The following LCK variants were observed in gnomAD, a reference collection of about 807,000 sequenced individuals.
LCK encodes the protein tyrosine-protein kinase Lck.
LCK carries 14 observed loss-of-function variants against 64.6 expected under a neutral mutation model. The observed-to-expected ratio is 0.22, with a 90% CI of 0.14 to 0.34. LCK has a LOEUF of 0.34. Ranked by LOEUF, LCK falls within the 10% of genes least tolerant of loss-of-function variation. LCK has a pLI of 1.00. For missense variants in LCK, 434 were observed against 668.1 expected (o/e 0.65, Z 3.86); for synonymous variants, 277 against 263.6 (o/e 1.05, Z -0.49).
At chr1:32,262,547 T>G (rs1351418007) in intron 1 of LCK, among the ~76,000 whole-genome samples, 1 of 151,116 alleles carries the variant, frequency 6.6e-6, no homozygotes, top group African/African-American at 2.4e-5. Context: ...CTCAGCCTCC[T>G]GAGTAGCTGG....
At chr1:32,280,457 T>C (rs1313990889) in intron 12 of LCK, among the ~76,000 whole-genome samples, 10 of 126,572 alleles carry the variant, frequency 7.9e-5, no homozygotes, top group Middle Eastern at 3.9e-3. Flanking sequence ...TTTTTTTTTT[T>C]TTTTTTTTTT....
chr1:32,254,157 A>G (rs1382986986), intron 1 of LCK, among the ~76,000 whole-genome samples: 2 of 152,128 alleles, frequency 1.3e-5, no homozygotes, highest in African/African-American at 4.8e-5. Flanking sequence ...TAGGGGTTTG[A>G]GGCTGCAGTG....
At position 32,285,997 on chromosome 1, in the gene LCK, G is replaced by A; in HGVS notation, c.*281G>A. The A allele has an allele frequency of 6.4e-6, 3 of 467,852 alleles. No homozygotes were observed. In the East Asian group the frequency reaches 1.0e-4, roughly 16 times the overall value. The allele number at this position is 467,852 out of a possible 1,614,324, so 29.0% of individuals were successfully genotyped here. A position where few individuals can be genotyped will look rare whatever the true frequency, so the allele number is the denominator to read the frequency against. On this transcript the variant is annotated 3_prime_UTR_variant, in exon 13 of 13. Transcript: ENST00000336890. The stretch of plus-strand genomic sequence containing the variant: ...ATTTCCTGAGACCACAGAGAGAGGG[G>A]AGAAGCCTGGGATTGACAGAAGCTT...
At chr1:32,257,518 G>A (rs1453321993) in intron 1 of LCK, among the ~76,000 whole-genome samples, 2 of 152,032 alleles carry the variant, frequency 1.3e-5, no homozygotes, top group Non-Finnish European at 2.9e-5. Context: ...GCCTCCCAAA[G>A]TGCTGGGATT....
Position 32,251,668 on chromosome 1 carries a change from C to A in LCK, c.-6+297C>A, listed in dbSNP as rs1639508726. ...CAGGTGTTAAAAAGGCTTCCAGAAA[C>A]CACCAAGCCCAGTCCCTCAGGCCAT... On this transcript the variant is annotated intron_variant, in intron 1 of 12. Transcript: ENST00000336890. This position sits in a 1 kb window ranked among gnomAD's most constrained non-coding sequence, Gnocchi z 4.0. Among the ~76,000 whole-genome samples, 1 of 152,188 alleles carries A rather than the reference C, an allele frequency of 6.6e-6. No homozygotes were observed. Among genetic ancestry groups the A allele is most frequent in the Non-Finnish European group, 1.5e-5 (1 of 68,036 alleles).
chr1:32,276,492 G>A lies in LCK; in HGVS notation c.784+3G>A, dbSNP rs776575698. On this transcript the variant is annotated splice_donor_region_variant and intron_variant, in intron 8 of 12. Transcript: ENST00000336890. The surrounding 1 kb of genome is among the most constrained non-coding windows in gnomAD (Gnocchi z 4.6). ...ACAGTTCGGGGAGGTGTGGATGGGT[G>A]AGTGTGGCCTCCAGGACTGCCTGGG... The A allele has an allele frequency of 6.2e-7, 1 of 1,606,674 alleles. No homozygotes were observed. The highest frequency in any genetic ancestry group is 8.5e-7 in the Non-Finnish European group (1 of 1,176,228).
intron 1 of LCK, among the ~76,000 whole-genome samples, chr1:32,266,226 C>T (rs753900697): frequency 3.9e-5 from 6 of 152,010 alleles, no homozygotes; most frequent in Admixed American, 6.6e-5. Flanking sequence ...GGCACGGTGG[C>T]TCACGCCTGT....
chr1:32,279,555 C>T, intron 9 of LCK, 116 bp from the exon 10 acceptor site: 1 of 1,584,062 alleles, frequency 6.3e-7, no homozygotes, highest in Non-Finnish European at 8.6e-7. Context: ...CATTCTCACT[C>T]TTCAATCTTC....
intron 3 of LCK, 85 bp downstream of exon 3, chr1:32,274,903 C>T (rs775773542): frequency 1.2e-6 from 2 of 1,613,850 alleles, no homozygotes; most frequent in African/African-American, 2.7e-5. Flanking sequence ...TACTTTCTCC[C>T]CGGTCTTGCC....
In LCK at chr1:32,275,405, C is replaced by A. The variant is rs758314746; in HGVS notation, c.363C>A (p.Ser121Arg). The A allele has an allele frequency of 2.5e-6, 4 of 1,614,106 alleles. No homozygotes were observed. The East Asian group carries it at 8.9e-5, about 36-fold the overall frequency. Reference protein sequence around the residue: ...IPFNFVAKANSLEPEPWFFKN... With the variant: ...IPFNFVAKANRLEPEPWFFKN... ...TCAATTTTGTGGCCAAAGCGAACAG[C>A]CTGGAGCCCGAACCGTAAGTGGGGA... The change falls in exon 5 of 13, where the codon AGC becomes AGA. Residue 121 changes from serine (S) to arginine (R), a missense_variant. Transcript: ENST00000336890. This position sits in a 1 kb window ranked among gnomAD's most constrained non-coding sequence, Gnocchi z 6.9.
At chr1:32,274,558 A>C in intron 2 of LCK, 124 bp downstream of exon 2, 2 of 934,534 alleles carry the variant, frequency 2.1e-6, no homozygotes, top group Non-Finnish European at 3.2e-6. Flanking sequence ...AAATACAGAA[A>C]GGAAAAGAGG....
chr1:32,283,588 T>C (rs1424373303), intron 12 of LCK, among the ~76,000 whole-genome samples: 2 of 152,126 alleles, frequency 1.3e-5, no homozygotes, highest in African/African-American at 4.8e-5. Flanking sequence ...TCTTGGGGTC[T>C]ACATGCCAAA....
At position 32,272,849 on chromosome 1, in the gene LCK, CTG is replaced by C. The variant is rs368688960; in HGVS notation, c.-5-1464_-5-1463del. On this transcript the variant is annotated intron_variant, in intron 1 of 12. Transcript: ENST00000336890. The stretch of plus-strand genomic sequence containing the variant: ...GTGGGGGTATCTATGGAGGGGATGC[CTG>C]TGTGTGTGTGTAAGGTGAGTGTGTG... 2.2e-3 allele frequency among the ~76,000 whole-genome samples: 281 copies of C among 126,064 alleles called. 2 individuals carry two copies. The highest frequency in any genetic ancestry group is 8.0e-3 in the African/African-American group (257 of 32,158). The allele number at this position is 126,064 out of a possible 152,430, so 82.7% of individuals were successfully genotyped here.
At chr1:32,282,101 C>T (rs1462527240) in intron 12 of LCK, among the ~76,000 whole-genome samples, 1 of 152,098 alleles carries the variant, frequency 6.6e-6, no homozygotes, top group Admixed American at 6.6e-5. Context: ...ACCTTGGAAA[C>T]AGGTGAAAAG....
At chr1:32,265,092 A>G (rs2124325591) in intron 1 of LCK, among the ~76,000 whole-genome samples, 1 of 152,146 alleles carries the variant, frequency 6.6e-6, no homozygotes, top group South Asian at 2.1e-4. Flanking sequence ...CTGTAATCCC[A>G]GCTGCTCGGG....
At chr1:32,263,208 A>G (rs1557574470) in intron 1 of LCK, among the ~76,000 whole-genome samples, 3 of 151,884 alleles carry the variant, frequency 2.0e-5, no homozygotes. Flanking sequence ...CCTGGCCAAC[A>G]TGGTGAAACC....
intron 1 of LCK, chr1:32,274,004 G>A: frequency 2.5e-6 from 1 of 403,326 alleles, no homozygotes; most frequent in South Asian, 2.2e-5. Flanking sequence ...ACTGGCAGAG[G>A]GAGAGGGAGG....
chr1:32,278,628 C>T (rs1640355056), intron 9 of LCK, among the ~76,000 whole-genome samples: 1 of 152,164 alleles, frequency 6.6e-6, no homozygotes, highest in African/African-American at 2.4e-5. Flanking sequence ...TGTGAGCCAC[C>T]ATGCCCAGCC....
chr1:32,266,134 AT>A (rs35899413), intron 1 of LCK, among the ~76,000 whole-genome samples: 11,766 of 151,804 alleles, frequency 0.078, 949 homozygotes, highest in African/African-American at 0.2. Context: ...TAATTTTCAG[AT>A]TTTTTTTGTA....
Sources: gnomAD v4.1 joint callset for allele counts (sites outside exome capture counted in the v4.1 genomes callset) on GRCh38, gnomAD v4.1.1 for gene constraint, Gnocchi (gnomAD v3.1) non-coding constraint, MANE v1.5 for transcripts, NCBI Gene and HGNC (gene_info 2026-07-23, HGNC 2026-07-21) for gene names.